The following TENM2 variants were observed in gnomAD, a reference collection of about 807,000 sequenced individuals.
The protein encoded by TENM2 is teneurin-2.
TENM2 carries 52 observed loss-of-function variants against 245.2 expected under a neutral mutation model. The ratio of observed to expected loss-of-function variants is 0.21; its 90% confidence interval spans 0.17 to 0.27. The LOEUF (loss-of-function observed/expected upper bound fraction) is 0.27, where lower values mean the gene tolerates loss of function less well. TENM2 is among the 10% of genes least tolerant of loss of function. The probability of loss-of-function intolerance (pLI) is 1.00; values close to 1 mark genes in which losing one functional copy is unlikely to be tolerated. For missense variants in TENM2, 3,046 were observed against 3,666.8 expected (o/e 0.83, Z 4.37); for synonymous variants, 1,363 against 1,438.9 (o/e 0.95, Z 1.19).
intron 7 of TENM2, among the ~76,000 whole-genome samples, chr5:168,079,904 G>A (rs1164586623): frequency 1.3e-5 from 2 of 152,086 alleles, no homozygotes; most frequent in Non-Finnish European, 2.9e-5. Context: ...TTTTTGTTGT[G>A]TCTCTGCCAG....
intron 12 of TENM2, among the ~76,000 whole-genome samples, chr5:168,135,281 A>C (rs1754948500): frequency 6.6e-6 from 1 of 151,428 alleles, no homozygotes; most frequent in Non-Finnish European, 1.5e-5. Flanking sequence ...ATCTGCAGCC[A>C]CACAGATATC....
chr5:167,792,236 G>C (rs1765026510), intron 2 of TENM2, among the ~76,000 whole-genome samples: 1 of 151,880 alleles, frequency 6.6e-6, no homozygotes, highest in African/African-American at 2.4e-5. Context: ...CCTCTTCCCA[G>C]CTCACAATTT....
chr5:167,419,775 T>G (rs2127420710), intron 2 of TENM2, among the ~76,000 whole-genome samples: 1 of 152,304 alleles, frequency 6.6e-6, no homozygotes, highest in African/African-American at 2.4e-5. Context: ...AGAATAAATA[T>G]ACTTATGATA....
At chr5:167,970,638 G>A (rs2151920305) in intron 4 of TENM2, among the ~76,000 whole-genome samples, 1 of 152,298 alleles carries the variant, frequency 6.6e-6, no homozygotes, top group African/African-American at 2.4e-5. Flanking sequence ...TATTCTGTTT[G>A]TTGTGGTGTG....
chr5:168,158,105 T>C (rs1003858511), intron 12 of TENM2, among the ~76,000 whole-genome samples: 1 of 152,114 alleles, frequency 6.6e-6, no homozygotes, highest in African/African-American at 2.4e-5. Flanking sequence ...GTATTTTCAG[T>C]AGACATGAGA....
Position 167,904,875 on chromosome 5 carries a change from G to A in TENM2, c.712+28680G>A, listed in dbSNP as rs149491012. ...CCTTCAGTCTTGGGCAAAAGGGACA[G>A]TTGGTCACTTTGACTTTAGGGTCTG... On this transcript the variant is annotated intron_variant, in intron 3 of 28. Coordinates refer to ENST00000518659, the Ensembl canonical transcript of TENM2. Among the ~76,000 whole-genome samples, 53 of 152,336 alleles carry A rather than the reference G, an allele frequency of 3.5e-4. No individual in the cohort carries two copies. In the East Asian group the frequency reaches 9.1e-3, roughly 26 times the overall value.
intron 2 of TENM2, among the ~76,000 whole-genome samples, chr5:167,429,814 C>T (rs937341657): frequency 6.6e-6 from 1 of 151,964 alleles, no homozygotes; most frequent in Non-Finnish European, 1.5e-5. Flanking sequence ...ACCATGTTGG[C>T]CAGGCTGGTC....
At chr5:168,021,066 C>T (rs989672302) in intron 5 of TENM2, among the ~76,000 whole-genome samples, 2 of 152,146 alleles carry the variant, frequency 1.3e-5, no homozygotes, top group African/African-American at 4.8e-5. Context: ...CAGGAGCAGG[C>T]TAGGAATCGT....
intron 2 of TENM2, among the ~76,000 whole-genome samples, chr5:167,431,599 A>C (rs1764224137): frequency 6.6e-6 from 1 of 152,110 alleles, no homozygotes; most frequent in Non-Finnish European, 1.5e-5. Context: ...TGTCTAAAAA[A>C]TAGATTGCAT....
intron 2 of TENM2, among the ~76,000 whole-genome samples, chr5:167,723,964 G>C (rs187385189): frequency 9.8e-5 from 15 of 152,320 alleles, no homozygotes; most frequent in African/African-American, 3.6e-4. Flanking sequence ...GACACACTGA[G>C]GTATAAATAT....
the TENM2 span, among the ~76,000 whole-genome samples, chr5:167,133,276 G>T: frequency 6.6e-6 from 1 of 152,142 alleles, no homozygotes; most frequent in Non-Finnish European, 1.5e-5. Context: ...TATGATCCGG[G>T]GAGCCGTGCC....
intron 25 of TENM2, among the ~76,000 whole-genome samples, chr5:168,233,661 CT>C (rs1301965154): frequency 6.6e-6 from 1 of 152,120 alleles, no homozygotes; most frequent in Non-Finnish European, 1.5e-5. Context: ...CTCAGAGACT[CT>C]AAGATGTCAT....
At chr5:168,239,668 C>T (rs1765913469) in intron 25 of TENM2, among the ~76,000 whole-genome samples, 1 of 152,148 alleles carries the variant, frequency 6.6e-6, no homozygotes, top group Non-Finnish European at 1.5e-5. Context: ...TCTAAGCACC[C>T]TCACACACTA....
chr5:167,510,427 C>T (rs904158550), intron 2 of TENM2, among the ~76,000 whole-genome samples: 8 of 152,126 alleles, frequency 5.3e-5, no homozygotes, highest in Non-Finnish European at 1.0e-4. Context: ...GTAGAGCTCA[C>T]CTTATTCGCT....
At chr5:168,041,529 A>G (rs1340596719) in intron 5 of TENM2, among the ~76,000 whole-genome samples, 5 of 152,180 alleles carry the variant, frequency 3.3e-5, no homozygotes, top group African/African-American at 1.2e-4. Context: ...TCTTTGCTCA[A>G]ATGTTACCTA....
intron 2 of TENM2, among the ~76,000 whole-genome samples, chr5:167,644,003 A>G (rs1301713399): frequency 6.6e-6 from 1 of 152,154 alleles, no homozygotes; most frequent in African/African-American, 2.4e-5. Flanking sequence ...CTAATATTGT[A>G]TCAGAAGGAT....
At chr5:167,609,270 A>G (rs921054679) in intron 2 of TENM2, among the ~76,000 whole-genome samples, 14 of 152,092 alleles carry the variant, frequency 9.2e-5, no homozygotes, top group Admixed American at 8.5e-4. Flanking sequence ...TTACACAAGT[A>G]GAGTCGCATT....
intron 2 of TENM2, among the ~76,000 whole-genome samples, chr5:167,753,809 T>A (rs1762110878): frequency 6.6e-6 from 1 of 152,184 alleles, no homozygotes; most frequent in African/African-American, 2.4e-5. Context: ...TTTGAAGAGC[T>A]CACTGATCAT....
the TENM2 span, among the ~76,000 whole-genome samples, chr5:167,277,408 G>A: frequency 6.6e-6 from 1 of 152,230 alleles, no homozygotes; most frequent in East Asian, 1.9e-4. Context: ...TTTCAAGTGT[G>A]TGGAGATTTT....
Sources: allele counts gnomAD v4.1 joint callset (sites outside exome capture counted in the v4.1 genomes callset), GRCh38; gene constraint gnomAD v4.1.1; transcripts MANE v1.5; gene names NCBI Gene and HGNC (gene_info 2026-07-23, HGNC 2026-07-21).